KCNH8: variants seen among roughly 807,000 people sequenced by gnomAD.
KCNH8 encodes potassium voltage-gated channel subfamily H member 8, also known as voltage-gated delayed rectifier potassium channel KCNH8.
In KCNH8, 70 loss-of-function variants were observed where a neutral mutation model predicts 103.6. The observed-to-expected ratio is 0.68, with a 90% CI of 0.56 to 0.82. The LOEUF is 0.82. Among genes scored for constraint, KCNH8 ranks in the 40% least tolerant of loss-of-function variants. The probability of loss-of-function intolerance (pLI) is 0.00; values close to 1 mark genes in which losing one functional copy is unlikely to be tolerated. For missense variants in KCNH8, 1,217 were observed against 1,329.9 expected, an observed-to-expected ratio of 0.92 and a Z score of 1.32; for synonymous variants, 498 against 489.4, an observed-to-expected ratio of 1.02 and a Z score of -0.23.
intron 2 of KCNH8, among the ~76,000 whole-genome samples, chr3:19,278,126 A>C (rs559701334): frequency 6.6e-6 from 1 of 152,236 alleles, no homozygotes; most frequent in African/African-American, 2.4e-5. Context: ...TAAGAGGTGA[A>C]AGGTGTCATT....
chr3:19,277,120 T>C (rs1209908156), intron 2 of KCNH8, among the ~76,000 whole-genome samples: 7 of 152,168 alleles, frequency 4.6e-5, no homozygotes, highest in Non-Finnish European at 5.9e-5. Flanking sequence ...ATATTGCATG[T>C]TCTCATTCAT....
chr3:19,368,896 T>C (rs1032980150), intron 5 of KCNH8, among the ~76,000 whole-genome samples: 4 of 152,016 alleles, frequency 2.6e-5, no homozygotes, highest in African/African-American at 4.8e-5. Flanking sequence ...TTCAAAATAT[T>C]TAAAGTTTAG....
intron 11 of KCNH8, among the ~76,000 whole-genome samples, chr3:19,495,143 G>T (rs149537773): frequency 2.6e-5 from 4 of 152,038 alleles, no homozygotes; most frequent in South Asian, 2.1e-4. Flanking sequence ...CTCCCATTCC[G>T]TAGGTTGTCT....
intron 7 of KCNH8, among the ~76,000 whole-genome samples, chr3:19,413,044 T>C (rs2125149841): frequency 6.6e-6 from 1 of 152,192 alleles, no homozygotes; most frequent in African/African-American, 2.4e-5. Flanking sequence ...AAATCATTTC[T>C]ATCCGAAATA....
chr3:19,396,222 C>A (rs1490659619), intron 7 of KCNH8, among the ~76,000 whole-genome samples: 2 of 151,926 alleles, frequency 1.3e-5, no homozygotes, highest in African/African-American at 4.8e-5. Flanking sequence ...AAGCTCAGAC[C>A]TTTGCATAGG....
At chr3:19,195,832 G>A (rs936506096) in intron 1 of KCNH8, among the ~76,000 whole-genome samples, 6 of 152,032 alleles carry the variant, frequency 3.9e-5, no homozygotes, top group Middle Eastern at 3.4e-3. Flanking sequence ...TCCAGTACTC[G>A]TCATTTCTTT....
chr3:19,512,869 T>C, intron 12 of KCNH8, 101 bp from the exon 13 acceptor site: 1 of 1,038,920 alleles, frequency 9.6e-7, no homozygotes, highest in East Asian at 2.4e-5. Flanking sequence ...AGTAAGTCTC[T>C]AAGAGATTTG....
intron 1 of KCNH8, among the ~76,000 whole-genome samples, chr3:19,205,453 T>A (rs1413362656): frequency 3.9e-5 from 6 of 152,056 alleles, no homozygotes; most frequent in Non-Finnish European, 8.8e-5. Context: ...ACTATTCTAG[T>A]TAATTTTAAC....
At chr3:19,514,234 ATATTTT>A (rs2068835930) in intron 13 of KCNH8, among the ~76,000 whole-genome samples, 1 of 151,702 alleles carries the variant, frequency 6.6e-6, no homozygotes. Context: ...CTCAAATACT[ATATTTT>A]TATTATTTAT....
At chr3:19,376,282 T>C (rs373990006) in intron 5 of KCNH8, among the ~76,000 whole-genome samples, 55 of 152,318 alleles carry the variant, frequency 3.6e-4, no homozygotes, top group African/African-American at 1.2e-3. Flanking sequence ...CTGAGCCAGG[T>C]GCAGGATATA....
intron 5 of KCNH8, among the ~76,000 whole-genome samples, chr3:19,357,483 A>G (rs1445555590): frequency 7.3e-6 from 1 of 136,878 alleles, no homozygotes; most frequent in East Asian, 2.3e-4. Context: ...TTCTAAAAAT[A>G]CAAAAAAAAA....
intron 1 of KCNH8, among the ~76,000 whole-genome samples, chr3:19,162,974 C>G (rs537540731): frequency 8.2e-4 from 125 of 151,938 alleles, no homozygotes; most frequent in Non-Finnish European, 1.1e-3. Flanking sequence ...ATTTTAGCAA[C>G]CATAGATAAT....
intron 1 of KCNH8, among the ~76,000 whole-genome samples, chr3:19,233,498 C>G (rs557225277): frequency 1.2e-3 from 182 of 151,810 alleles, no homozygotes; most frequent in African/African-American, 4.2e-3. Context: ...AATGGATAAA[C>G]TGTTAGAGTT....
intron 8 of KCNH8, among the ~76,000 whole-genome samples, chr3:19,445,061 C>G (rs1474278300): frequency 6.6e-6 from 1 of 151,786 alleles, no homozygotes; most frequent in Admixed American, 6.6e-5. Context: ...GTAAGAATCT[C>G]AAACTGGGAA....
chr3:19,401,478 A>G (rs1256780021), intron 7 of KCNH8, among the ~76,000 whole-genome samples: 1 of 152,064 alleles, frequency 6.6e-6, no homozygotes, highest in Admixed American at 6.6e-5. Flanking sequence ...TTAAAATGTC[A>G]TCACAAACAA....
chr3:19,426,351 T>C (rs548460381), intron 7 of KCNH8, among the ~76,000 whole-genome samples: 1 of 152,096 alleles, frequency 6.6e-6, no homozygotes, highest in East Asian at 1.9e-4. Context: ...TTCTTGAAAA[T>C]ACCACCCAAT....
chr3:19,155,732 A>G (rs76117846), intron 1 of KCNH8, among the ~76,000 whole-genome samples: 8,345 of 152,274 alleles, frequency 0.055, 763 homozygotes, highest in African/African-American at 0.19. Flanking sequence ...CCTAAAGATT[A>G]CATTCTATCA....
At chr3:19,226,873 A>G (rs533428159) in intron 1 of KCNH8, among the ~76,000 whole-genome samples, 34 of 152,304 alleles carry the variant, frequency 2.2e-4, no homozygotes, top group African/African-American at 7.2e-4. Flanking sequence ...ACCCATATAC[A>G]TTAGATCTAT....
At chr3:19,472,716 T>C (rs2067888358) in intron 11 of KCNH8, among the ~76,000 whole-genome samples, 1 of 152,192 alleles carries the variant, frequency 6.6e-6, no homozygotes, top group Non-Finnish European at 1.5e-5. Flanking sequence ...CAGTCACTGA[T>C]TAGATATATA....
Sources: allele counts gnomAD v4.1 joint callset (sites outside exome capture counted in the v4.1 genomes callset), GRCh38; gene constraint gnomAD v4.1.1; transcripts MANE v1.5; gene names NCBI Gene and HGNC (gene_info 2026-07-23, HGNC 2026-07-21).